Variants in CLSTN2 observed in about 807,000 individuals in gnomAD.
The protein encoded by CLSTN2 is calsyntenin 2.
In CLSTN2, 48 loss-of-function variants were observed where a neutral mutation model predicts 101.2. The observed-to-expected ratio is 0.47, with a 90% confidence interval of 0.38 to 0.60. The LOEUF (loss-of-function observed/expected upper bound fraction) is 0.60, where lower values mean the gene tolerates loss of function less well. Ranked by LOEUF, CLSTN2 falls within the 20% of genes least tolerant of loss-of-function variation. CLSTN2 has a pLI of 0.00. For missense variants in CLSTN2, 1,160 were observed against 1,238.2 expected, an observed-to-expected ratio of 0.94 and a Z score of 0.95; for synonymous variants, 481 against 463.6, an observed-to-expected ratio of 1.04 and a Z score of -0.48.
chr3:140,513,611 C>G (rs1279228680), intron 8 of CLSTN2, among the ~76,000 whole-genome samples: 3 of 83,782 alleles, frequency 3.6e-5, no homozygotes, highest in Non-Finnish European at 6.4e-5. Context: ...GGGTGTGTGT[C>G]TCTGCCAGAT....
At chr3:140,093,668 G>C (rs1421790225) in intron 1 of CLSTN2, among the ~76,000 whole-genome samples, 2 of 152,154 alleles carry the variant, frequency 1.3e-5, no homozygotes, top group African/African-American at 2.4e-5. Flanking sequence ...AAACCATGGT[G>C]ATCTTCCACT....
intron 1 of CLSTN2, among the ~76,000 whole-genome samples, chr3:140,094,127 C>T (rs1334926958): frequency 6.6e-6 from 1 of 152,202 alleles, no homozygotes; most frequent in Non-Finnish European, 1.5e-5. Flanking sequence ...TTTCAACAGA[C>T]GTTAACCCTC....
At chr3:140,306,010 G>T (rs948796581) in intron 2 of CLSTN2, among the ~76,000 whole-genome samples, 1 of 152,066 alleles carries the variant, frequency 6.6e-6, no homozygotes, top group East Asian at 1.9e-4. Flanking sequence ...ACAGACCATG[G>T]ATACTATAGT....
intron 2 of CLSTN2, among the ~76,000 whole-genome samples, chr3:140,268,319 A>G (rs1214560277): frequency 2.0e-5 from 3 of 152,266 alleles, no homozygotes; most frequent in East Asian, 3.9e-4. Context: ...CCCTTTTACC[A>G]ATCATTCGTC....
chr3:140,369,421 C>T (rs977068046), intron 2 of CLSTN2, among the ~76,000 whole-genome samples: 1 of 152,130 alleles, frequency 6.6e-6, no homozygotes, highest in African/African-American at 2.4e-5. Flanking sequence ...TTTCCTGCCC[C>T]TAACATCACA....
chr3:140,526,643 C>A (rs563880591), intron 8 of CLSTN2, among the ~76,000 whole-genome samples: 131 of 131,992 alleles, frequency 9.9e-4, no homozygotes, highest in Middle Eastern at 3.9e-3. Context: ...ACAACAACAA[C>A]AAAAAAAAAA....
intron 1 of CLSTN2, among the ~76,000 whole-genome samples, chr3:139,955,024 A>G (rs1460263320): frequency 1.3e-5 from 2 of 150,430 alleles, no homozygotes; most frequent in Non-Finnish European, 3.0e-5. Context: ...GGAGAGTGTT[A>G]GCATATATAA....
At chr3:139,974,119 C>G (rs567628173) in intron 1 of CLSTN2, among the ~76,000 whole-genome samples, 197 of 152,290 alleles carry the variant, frequency 1.3e-3, no homozygotes, top group African/African-American at 4.5e-3. Flanking sequence ...GTTCTTTTTC[C>G]AAGTTGTGAA....
Position 140,150,294 on chromosome 3 carries a change from G to A in CLSTN2, c.110-25657G>A, listed in dbSNP as rs182026462. Among the ~76,000 whole-genome samples, 301 of 152,282 alleles carry A rather than the reference G, an allele frequency of 2.0e-3. 2 individuals carry two copies. The highest frequency in any genetic ancestry group is 7.0e-3 in the African/African-American group (291 of 41,562). ...AAGCATATGCTGTGGAATCAGAAAT[G>A]AGTTCAAATCCAGCTTTAGGGCTTT... On this transcript the variant is annotated intron_variant, in intron 1 of 16. Coordinates refer to ENST00000458420, the MANE Select transcript of CLSTN2 (RefSeq NM_022131.3).
chr3:140,088,700 G>A (rs1002290469), intron 1 of CLSTN2, among the ~76,000 whole-genome samples: 2 of 152,082 alleles, frequency 1.3e-5, no homozygotes, highest in Non-Finnish European at 2.9e-5. Flanking sequence ...TGTCAATACT[G>A]GATTGACCTG....
At chr3:140,283,124 T>C (rs1023681053) in intron 2 of CLSTN2, among the ~76,000 whole-genome samples, 2 of 152,240 alleles carry the variant, frequency 1.3e-5, no homozygotes, top group Admixed American at 1.3e-4. Context: ...AATTTCTCTT[T>C]TAAAAAAATA....
intron 1 of CLSTN2, among the ~76,000 whole-genome samples, chr3:139,978,026 A>G (rs907425605): frequency 2.6e-5 from 4 of 152,182 alleles, no homozygotes; most frequent in Admixed American, 2.6e-4. Context: ...CCAAGCAGGA[A>G]CATTCACATC....
intron 1 of CLSTN2, among the ~76,000 whole-genome samples, chr3:140,096,960 A>G (rs2107788246): frequency 6.6e-6 from 1 of 152,258 alleles, no homozygotes; most frequent in Non-Finnish European, 1.5e-5. Flanking sequence ...ATTAACTCTG[A>G]GTGGGCAAAT....
At chr3:139,977,526 C>G (rs1935840005) in intron 1 of CLSTN2, among the ~76,000 whole-genome samples, 1 of 134,720 alleles carries the variant, frequency 7.4e-6, no homozygotes. Context: ...GTTTTTACCC[C>G]CTTACTCATG....
At position 140,045,223 on chromosome 3, in the gene CLSTN2, A is replaced by G. The variant is rs556764743; in HGVS notation, c.109+109740A>G. On this transcript the variant is annotated intron_variant, in intron 1 of 16. Transcript: ENST00000458420. The stretch of plus-strand genomic sequence containing the variant: ...CAGTTTCAGAGCCTGTTATTGGTCT[A>G]TTGAGGGATTCAAGTTCTTCCTGGT... 5.3e-5 allele frequency among the ~76,000 whole-genome samples: 8 copies of G among 152,240 alleles called. No homozygotes were observed. In the South Asian group the frequency reaches 1.7e-3, roughly 32 times the overall value.
rs114144370 is a variant in CLSTN2, at chr3:140,241,368, T to C, written c.232+65295T>C. Among the ~76,000 whole-genome samples the C allele has an allele frequency of 8.7e-3, 1,324 of 152,256 alleles. 5 individuals are homozygous for C. Among genetic ancestry groups the C allele is most frequent in the Non-Finnish European group, 0.013 (882 of 68,014 alleles). On this transcript the variant is annotated intron_variant, in intron 2 of 16. Coordinates refer to ENST00000458420, the MANE Select transcript of CLSTN2 (RefSeq NM_022131.3). Reference sequence around the variant, plus strand: ...GTGAGGGCTTAAATCTTAGTATCCATGTTGGATGAGGGAGAGGAGAGTGGA... The same window carrying C: ...GTGAGGGCTTAAATCTTAGTATCCACGTTGGATGAGGGAGAGGAGAGTGGA...
chr3:140,048,690 G>C (rs1457265095), intron 1 of CLSTN2, among the ~76,000 whole-genome samples: 1 of 152,154 alleles, frequency 6.6e-6, no homozygotes, highest in African/African-American at 2.4e-5. Flanking sequence ...GGTAATGTCG[G>C]CTTCCTTACT....
chr3:140,120,105 A>G (rs2009314639), intron 1 of CLSTN2, among the ~76,000 whole-genome samples: 1 of 152,086 alleles, frequency 6.6e-6, no homozygotes, highest in Non-Finnish European at 1.5e-5. Flanking sequence ...TTTTGACACT[A>G]CCTGTAGATA....
chr3:140,519,327 G>C (rs527309608), intron 8 of CLSTN2, among the ~76,000 whole-genome samples: 2 of 152,338 alleles, frequency 1.3e-5, no homozygotes, highest in Non-Finnish European at 2.9e-5. Context: ...TCTGTAGATA[G>C]CTATTAGGTC....
Sources: allele counts gnomAD v4.1 joint callset (sites outside exome capture counted in the v4.1 genomes callset), GRCh38; gene constraint gnomAD v4.1.1; transcripts MANE v1.5; gene names NCBI Gene and HGNC (gene_info 2026-07-23, HGNC 2026-07-21).